The following SH3PXD2A variants were observed in gnomAD, a reference collection of about 807,000 sequenced individuals.
SH3PXD2A encodes SH3 and PX domains 2A.
A neutral mutation model predicts 115.2 loss-of-function variants in SH3PXD2A; 32 were observed. The ratio of observed to expected loss-of-function variants is 0.28; its 90% confidence interval spans 0.21 to 0.37. SH3PXD2A has a LOEUF of 0.37. Among genes scored for constraint, SH3PXD2A ranks in the 10% least tolerant of loss-of-function variants. The pLI, the probability that SH3PXD2A is intolerant of heterozygous loss-of-function variation, is 1.00. For missense variants in SH3PXD2A, 1,328 were observed against 1,498.7 expected (o/e 0.89, Z 1.88); for synonymous variants, 610 against 629.1 (o/e 0.97, Z 0.45).
intron 4 of SH3PXD2A, among the ~76,000 whole-genome samples, chr10:103,725,182 C>T (rs994508020): frequency 1.3e-5 from 2 of 152,072 alleles, no homozygotes; most frequent in African/African-American, 2.4e-5. Flanking sequence ...GGAGGTGGAG[C>T]GATCAAGCAT....
At chr10:103,661,772 C>A in intron 7 of SH3PXD2A, 1 of 985,334 alleles carries the variant, frequency 1.0e-6, no homozygotes, top group Non-Finnish European at 1.2e-6. Context: ...TTACTCGCAA[C>A]CCTTAAATAG....
At position 103,724,420 on chromosome 10, in the gene SH3PXD2A, A is replaced by C. The variant is rs909763008; in HGVS notation, c.307-59T>G. 5 of 1,011,632 alleles carry C rather than the reference A, an allele frequency of 4.9e-6. No individual in the cohort carries two copies. The African/African-American group carries it at 8.4e-5, about 17-fold the overall frequency. The allele number at this position is 1,011,632 out of a possible 1,614,324, so 62.7% of individuals were successfully genotyped here. ...TGATGAACTTGGGAACAGGAAAACC[A>C]AGACAGTGTCACCTTACACCAACAG... On this transcript the variant is annotated intron_variant, in intron 4 of 14. Transcript: ENST00000369774.
At position 103,601,810 on chromosome 10, in the gene SH3PXD2A, C is replaced by T. The variant is rs756588397; in HGVS notation, c.*6G>A. 1 of 1,585,578 alleles carries T rather than the reference C, an allele frequency of 6.3e-7. No homozygotes were observed. Among genetic ancestry groups the T allele is most frequent in the South Asian group, 1.2e-5 (1 of 86,472 alleles). ...ACACTGAGGCTGGAAGAGCCCAGGC[C>T]CTCTGCTAGTTCTTTTTCTCAAGGT... is the stretch of plus-strand genomic sequence containing the variant. On this transcript the variant is annotated 3_prime_UTR_variant, in exon 15 of 15. Coordinates refer to ENST00000369774, the MANE Select transcript of SH3PXD2A (RefSeq NM_001394015.1).
intron 10 of SH3PXD2A, among the ~76,000 whole-genome samples, chr10:103,621,604 G>A (rs2036604711): frequency 6.6e-6 from 1 of 152,224 alleles, no homozygotes; most frequent in South Asian, 2.1e-4. Flanking sequence ...ACCTCTCTCT[G>A]TGCCGTCACT....
chr10:103,704,305 C>T (rs928727138), intron 5 of SH3PXD2A, among the ~76,000 whole-genome samples: 13 of 152,080 alleles, frequency 8.5e-5, no homozygotes, highest in Admixed American at 2.0e-4. Flanking sequence ...AGCAGGGACA[C>T]GGGCCTGGCT....
intron 9 of SH3PXD2A, among the ~76,000 whole-genome samples, chr10:103,624,754 G>C (rs1372486426): frequency 3.3e-5 from 5 of 152,182 alleles, no homozygotes; most frequent in Admixed American, 2.6e-4. Context: ...GAGATGGCTG[G>C]AGAGGGAACT....
At chr10:103,671,647 C>T (rs917615722) in intron 6 of SH3PXD2A, among the ~76,000 whole-genome samples, 2 of 152,194 alleles carry the variant, frequency 1.3e-5, no homozygotes, top group African/African-American at 4.8e-5. Context: ...TTACAATGAA[C>T]AGAGGAGAGC....
At chr10:103,704,551 G>A (rs957751062) in intron 5 of SH3PXD2A, among the ~76,000 whole-genome samples, 1 of 152,222 alleles carries the variant, frequency 6.6e-6, no homozygotes, top group East Asian at 1.9e-4. Context: ...GGCGACAGGA[G>A]TGACAGCCAA....
At chr10:103,831,453 G>A (rs997280123) in intron 1 of SH3PXD2A, among the ~76,000 whole-genome samples, 2 of 152,224 alleles carry the variant, frequency 1.3e-5, no homozygotes, top group African/African-American at 4.8e-5. Flanking sequence ...CTTTGGCCAA[G>A]GGATGTGTTA....
intron 5 of SH3PXD2A, among the ~76,000 whole-genome samples, chr10:103,695,788 T>G (rs1439518415): frequency 6.6e-6 from 1 of 152,198 alleles, no homozygotes; most frequent in Non-Finnish European, 1.5e-5. Flanking sequence ...AAGAACAACG[T>G]GCTTGTAGTG....
intron 1 of SH3PXD2A, among the ~76,000 whole-genome samples, chr10:103,834,025 C>A (rs1228678428): frequency 1.3e-5 from 2 of 152,214 alleles, no homozygotes; most frequent in African/African-American, 2.4e-5. Flanking sequence ...CCCCACGTCT[C>A]TAACCAGGCC....
rs35539727 is a variant in SH3PXD2A at position 103,809,848 on chromosome 10, C to CTT, written c.73-8488_73-8487dup. Reference sequence around the variant, plus strand: ...TACAGGCGTGTGTCACCACACTAGGCTTTTTTTTTTTTAGTATTTTAGTAG... The same window carrying CTT: ...TACAGGCGTGTGTCACCACACTAGGCTTTTTTTTTTTTTTAGTATTTTAGTAG... On this transcript the variant is annotated intron_variant, in intron 1 of 14. Coordinates refer to ENST00000369774, the MANE Select transcript of SH3PXD2A (RefSeq NM_001394015.1). Among the ~76,000 whole-genome samples the CTT allele has an allele frequency of 2.7e-3, 387 of 146,028 alleles. 4 individuals carry two copies. Among genetic ancestry groups the CTT allele is most frequent in the Middle Eastern group, 0.01 (3 of 286 alleles).
intron 6 of SH3PXD2A, among the ~76,000 whole-genome samples, chr10:103,668,881 T>C (rs1308661716): frequency 6.6e-6 from 1 of 152,206 alleles, no homozygotes; most frequent in Admixed American, 6.5e-5. Context: ...ACAGGGATAA[T>C]GAGGTGTCCG....
At chr10:103,679,264 T>C (rs2037579706) in intron 6 of SH3PXD2A, among the ~76,000 whole-genome samples, 1 of 152,174 alleles carries the variant, frequency 6.6e-6, no homozygotes, top group Non-Finnish European at 1.5e-5. Context: ...GACCTCATTG[T>C]CTCCATCTTG....
At chr10:103,802,382 T>C (rs2039156008) in intron 1 of SH3PXD2A, among the ~76,000 whole-genome samples, 1 of 152,180 alleles carries the variant, frequency 6.6e-6, no homozygotes, top group Non-Finnish European at 1.5e-5. Flanking sequence ...CTGGAAAAAC[T>C]TTTCTCTTTG....
chr10:103,683,531 G>A (rs2037638448), intron 6 of SH3PXD2A, among the ~76,000 whole-genome samples: 1 of 152,162 alleles, frequency 6.6e-6, no homozygotes, highest in African/African-American at 2.4e-5. Context: ...AGGCATGGTG[G>A]CACACCAGTG....
At chr10:103,733,359 G>A (rs1589434105) in intron 4 of SH3PXD2A, among the ~76,000 whole-genome samples, 1 of 152,182 alleles carries the variant, frequency 6.6e-6, no homozygotes, top group Admixed American at 6.5e-5. Context: ...GAGCCCAACT[G>A]CAGATGCCTT....
At chr10:103,763,519 T>C (rs1424706092) in intron 3 of SH3PXD2A, among the ~76,000 whole-genome samples, 2 of 152,202 alleles carry the variant, frequency 1.3e-5, no homozygotes, top group Non-Finnish European at 2.9e-5. Context: ...TTAAGTTCTC[T>C]GGAGTTCTGC....
At chr10:103,833,327 T>C (rs998679646) in intron 1 of SH3PXD2A, among the ~76,000 whole-genome samples, 59 of 152,310 alleles carry the variant, frequency 3.9e-4, no homozygotes, top group Middle Eastern at 3.4e-3. Context: ...ATTTGATGGA[T>C]TTAGATACAG....
Sources: gnomAD v4.1 joint callset for allele counts (sites outside exome capture counted in the v4.1 genomes callset) on GRCh38, gnomAD v4.1.1 for gene constraint, MANE v1.5 for transcripts, NCBI Gene and HGNC (gene_info 2026-07-23, HGNC 2026-07-21) for gene names.